The following TNKS variants were observed in gnomAD, a reference collection of about 807,000 sequenced individuals.
TNKS encodes poly [ADP-ribose] polymerase tankyrase-1.
TNKS carries 72 observed loss-of-function variants against 135.8 expected under a neutral mutation model. The observed-to-expected ratio is 0.53, with a 90% confidence interval of 0.44 to 0.64. The LOEUF (loss-of-function observed/expected upper bound fraction) is 0.64, where lower values mean the gene tolerates loss of function less well. Among genes scored for constraint, TNKS ranks in the 30% least tolerant of loss-of-function variants. TNKS has a pLI of 0.00. For synonymous variants in TNKS, 849 were observed against 649.3 expected (o/e 1.31, Z -4.68); for missense variants, 1,769 against 1,674.0 (o/e 1.06, Z -0.99).
intron 3 of TNKS, among the ~76,000 whole-genome samples, chr8:9,664,079 C>G (rs1174420111): frequency 6.6e-6 from 1 of 152,198 alleles, no homozygotes; most frequent in Non-Finnish European, 1.5e-5. Flanking sequence ...CTCATTATAT[C>G]TTAGTCCATT....
intron 13 of TNKS, among the ~76,000 whole-genome samples, chr8:9,729,077 G>T (rs1805295203): frequency 6.6e-6 from 1 of 152,200 alleles, no homozygotes; most frequent in Admixed American, 6.5e-5. Flanking sequence ...CTTCAAGGTG[G>T]TGTCTTGTTG....
At chr8:9,594,954 A>G (rs1226213672) in intron 2 of TNKS, among the ~76,000 whole-genome samples, 1 of 152,198 alleles carries the variant, frequency 6.6e-6, no homozygotes, top group Non-Finnish European at 1.5e-5. Context: ...TAGGTTAAGA[A>G]AAGTCATTTC....
intron 18 of TNKS, among the ~76,000 whole-genome samples, chr8:9,748,507 T>C (rs1290367628): frequency 6.6e-6 from 1 of 152,200 alleles, no homozygotes; most frequent in Non-Finnish European, 1.5e-5. Context: ...GTAAAATATC[T>C]TGTACCTTCT....
intron 21 of TNKS, among the ~76,000 whole-genome samples, chr8:9,762,922 A>G (rs1585433693): frequency 6.6e-6 from 1 of 150,928 alleles, no homozygotes; most frequent in Admixed American, 6.6e-5. Context: ...AAAAAAAAAG[A>G]ACAGATAAAA....
At chr8:9,622,356 C>G (rs1799897900) in intron 3 of TNKS, among the ~76,000 whole-genome samples, 1 of 152,170 alleles carries the variant, frequency 6.6e-6, no homozygotes, top group Non-Finnish European at 1.5e-5. Context: ...AATACAGTGA[C>G]AATAATAATA....
intron 1 of TNKS, among the ~76,000 whole-genome samples, chr8:9,578,268 C>T (rs1390991717): frequency 6.6e-6 from 1 of 152,050 alleles, no homozygotes; most frequent in South Asian, 2.1e-4. Context: ...CACTTATGGC[C>T]CAGTGGAAGA....
At chr8:9,705,078 A>C (rs780455740) in intron 6 of TNKS, among the ~76,000 whole-genome samples, 1 of 152,214 alleles carries the variant, frequency 6.6e-6, no homozygotes, top group Non-Finnish European at 1.5e-5. Context: ...ATGAAAATCC[A>C]GTAGCATAGC....
intron 2 of TNKS, among the ~76,000 whole-genome samples, chr8:9,604,247 T>G (rs1452650468): frequency 2.6e-5 from 4 of 152,068 alleles, no homozygotes; most frequent in Non-Finnish European, 5.9e-5. Context: ...TCATCCCTGT[T>G]TTATTACCTT....
intron 25 of TNKS, among the ~76,000 whole-genome samples, chr8:9,767,590 A>G (rs985413481): frequency 2.6e-5 from 4 of 152,168 alleles, no homozygotes; most frequent in Non-Finnish European, 5.9e-5. Flanking sequence ...AATTATTGCC[A>G]TCAGCCATTT....
chr8:9,683,312 T>C (rs1392353471), intron 5 of TNKS, among the ~76,000 whole-genome samples: 1 of 152,070 alleles, frequency 6.6e-6, no homozygotes, highest in African/African-American at 2.4e-5. Context: ...GTATCTGTCC[T>C]AGTAGATATG....
intron 1 of TNKS, among the ~76,000 whole-genome samples, chr8:9,573,077 G>A (rs1797819819): frequency 6.6e-6 from 1 of 151,386 alleles, no homozygotes; most frequent in Non-Finnish European, 1.5e-5. Flanking sequence ...TTAGATTCTA[G>A]TTTTTCTTAA....
intron 2 of TNKS, among the ~76,000 whole-genome samples, chr8:9,610,759 C>A (rs1289224532): frequency 2.6e-5 from 4 of 152,132 alleles, no homozygotes; most frequent in Admixed American, 2.6e-4. Context: ...AAAAAGCTTG[C>A]TACATTTTTA....
chr8:9,657,947 C>A (rs1167776973), intron 3 of TNKS, among the ~76,000 whole-genome samples: 6 of 63,306 alleles, frequency 9.5e-5, no homozygotes, highest in African/African-American at 3.8e-4. Flanking sequence ...CAGAGACGCT[C>A]CTCACCTCCC....
intron 5 of TNKS, among the ~76,000 whole-genome samples, chr8:9,684,118 G>C (rs1186480098): frequency 6.6e-6 from 1 of 151,910 alleles, no homozygotes; most frequent in Non-Finnish European, 1.5e-5. Context: ...TGCCCAGTAT[G>C]ATTAGTCATA....
intron 2 of TNKS, among the ~76,000 whole-genome samples, chr8:9,608,006 C>T (rs1326975961): frequency 1.3e-5 from 2 of 152,146 alleles, no homozygotes; most frequent in Non-Finnish European, 2.9e-5. Context: ...GTGGTGCGAT[C>T]ATGGCTCACT....
intron 26 of TNKS, among the ~76,000 whole-genome samples, chr8:9,776,099 C>T (rs1052897263): frequency 2.6e-5 from 4 of 152,026 alleles, no homozygotes; most frequent in Admixed American, 6.6e-5. Flanking sequence ...CAGTCTAAAT[C>T]GGAGCCCTTA....
intron 2 of TNKS, among the ~76,000 whole-genome samples, chr8:9,613,786 A>G (rs987279996): frequency 1.6e-4 from 25 of 152,250 alleles, no homozygotes; most frequent in African/African-American, 5.3e-4. Flanking sequence ...AGTAGTTAAA[A>G]TACGGGTTAA....
At chr8:9,605,395 G>C (rs1341769401) in intron 2 of TNKS, among the ~76,000 whole-genome samples, 3 of 151,942 alleles carry the variant, frequency 2.0e-5, no homozygotes, top group Non-Finnish European at 4.4e-5. Context: ...GTTTGCTTCA[G>C]ATTTTTTTTC....
At chr8:9,659,055 C>T (rs564955335) in intron 3 of TNKS, among the ~76,000 whole-genome samples, 165 of 152,322 alleles carry the variant, frequency 1.1e-3, no homozygotes, top group Middle Eastern at 3.4e-3. Flanking sequence ...TATATATGCA[C>T]TCAATACAGG....
Sources: allele counts gnomAD v4.1 joint callset (sites outside exome capture counted in the v4.1 genomes callset), GRCh38; gene constraint gnomAD v4.1.1; transcripts MANE v1.5; gene names NCBI Gene and HGNC (gene_info 2026-07-23, HGNC 2026-07-21).